The following FSTL5 variants were observed in gnomAD, a reference collection of about 807,000 sequenced individuals.
FSTL5 encodes the protein follistatin like 5.
In FSTL5, 62 loss-of-function variants were observed where a neutral mutation model predicts 89.1. The observed-to-expected ratio is 0.70, with a 90% CI of 0.57 to 0.86. The LOEUF (loss-of-function observed/expected upper bound fraction) is 0.86. Ranked by LOEUF, FSTL5 falls within the 40% of genes least tolerant of loss-of-function variation. The pLI is 0.00. For synonymous variants in FSTL5, 383 were observed against 346.2 expected (o/e 1.11, Z -1.18); for missense variants, 1,057 against 1,001.6 (o/e 1.06, Z -0.75).
In FSTL5 at chr4:161,925,874, A is replaced by T. The variant is rs144248697; in HGVS notation, c.161-5222T>A. Among the ~76,000 whole-genome samples the T allele has an allele frequency of 3.2e-3, 490 of 151,994 alleles. 6 individuals are homozygous for T. The highest frequency in any genetic ancestry group is 3.0e-3 in the Non-Finnish European group (205 of 67,892). On this transcript the variant is annotated intron_variant, in intron 3 of 15. Transcript: ENST00000306100. Reference sequence around the variant, plus strand: ...AAATATACTCTTAAAATTTTCATGGACTTTCACTGTATAAGAATTTACTTC... The same window carrying T: ...AAATATACTCTTAAAATTTTCATGGTCTTTCACTGTATAAGAATTTACTTC...
At chr4:161,641,626 G>A (rs1181266676) in intron 7 of FSTL5, among the ~76,000 whole-genome samples, 1 of 151,704 alleles carries the variant, frequency 6.6e-6, no homozygotes, top group Non-Finnish European at 1.5e-5. Context: ...CAAGTAGCTG[G>A]GAATACAGGC....
At chr4:161,681,281 A>C (rs1737509049) in intron 6 of FSTL5, among the ~76,000 whole-genome samples, 1 of 152,210 alleles carries the variant, frequency 6.6e-6, no homozygotes, top group African/African-American at 2.4e-5. Flanking sequence ...ATAAAAGGGA[A>C]ATCAAAAGAA....
At chr4:161,783,241 CTT>C (rs1377908483) in intron 4 of FSTL5, among the ~76,000 whole-genome samples, 4 of 152,106 alleles carry the variant, frequency 2.6e-5, no homozygotes, top group Admixed American at 2.6e-4. Flanking sequence ...ATTTAATAGT[CTT>C]TTAAATCATT....
rs550152470 is a variant in FSTL5 at position 161,667,227 on chromosome 4, A to G, written c.728-10733T>C. 2.0e-5 allele frequency among the ~76,000 whole-genome samples: 3 copies of G among 152,226 alleles called. No individual in the cohort carries two copies. The South Asian group carries it at 6.2e-4, about 32-fold the overall frequency. On this transcript the variant is annotated intron_variant, in intron 6 of 15. Transcript: ENST00000306100. ...TCTATCTTTCAAATGAATTATATAA[A>G]GTTGAATTTTAAACTAAAATAATAA...
At chr4:161,570,897 C>T (rs779380969) in intron 8 of FSTL5, among the ~76,000 whole-genome samples, 25 of 152,136 alleles carry the variant, frequency 1.6e-4, no homozygotes, top group Admixed American at 5.9e-4. Context: ...AGACGGATCA[C>T]GAGGTCAAGA....
chr4:161,430,762 A>C (rs992700803), intron 15 of FSTL5, among the ~76,000 whole-genome samples: 1 of 152,110 alleles, frequency 6.6e-6, no homozygotes, highest in African/African-American at 2.4e-5. Flanking sequence ...AAAACAAAAA[A>C]ATCCAACTCC....
chr4:161,585,283 T>G (rs895075769), intron 8 of FSTL5, among the ~76,000 whole-genome samples: 1 of 152,162 alleles, frequency 6.6e-6, no homozygotes, highest in Non-Finnish European at 1.5e-5. Flanking sequence ...GAGCAGCAGC[T>G]CCTGAAGAGC....
chr4:161,618,801 G>T (rs1316461113), intron 7 of FSTL5, among the ~76,000 whole-genome samples: 1 of 152,062 alleles, frequency 6.6e-6, no homozygotes, highest in Non-Finnish European at 1.5e-5. Context: ...TCCCCATCAA[G>T]CTACCAATGA....
At chr4:161,709,457 C>T (rs1275346150) in intron 6 of FSTL5, among the ~76,000 whole-genome samples, 2 of 152,056 alleles carry the variant, frequency 1.3e-5, no homozygotes, top group African/African-American at 4.8e-5. Flanking sequence ...CTGAGAGATA[C>T]AATAAATTCC....
At chr4:161,761,174 G>A (rs2126790841) in intron 5 of FSTL5, among the ~76,000 whole-genome samples, 1 of 152,234 alleles carries the variant, frequency 6.6e-6, no homozygotes, top group African/African-American at 2.4e-5. Context: ...ATTGTAGATG[G>A]CAAGCCCTAA....
chr4:162,037,463 T>A lies in FSTL5; in HGVS notation c.127-3805A>T, dbSNP rs183077841. Among the ~76,000 whole-genome samples, 204 of 152,024 alleles carry A rather than the reference T, an allele frequency of 1.3e-3. 3 individuals are homozygous for A. The highest frequency in any genetic ancestry group is 0.012 in the Admixed American group (177 of 15,230). ...GAGAGTAGGTGAGAAGAATCACACA[T>A]ACAGCTTGGTATGATTGAGCCAATC... On this transcript the variant is annotated intron_variant, in intron 2 of 15. Coordinates refer to ENST00000306100, the MANE Select transcript of FSTL5 (RefSeq NM_020116.5).
At chr4:161,864,349 A>G (rs1174595851) in intron 4 of FSTL5, among the ~76,000 whole-genome samples, 2 of 152,198 alleles carry the variant, frequency 1.3e-5, no homozygotes, top group Non-Finnish European at 2.9e-5. Context: ...GGTTAGAGAC[A>G]ATATCTAAGT....
intron 4 of FSTL5, among the ~76,000 whole-genome samples, chr4:161,855,379 T>C (rs1731690043): frequency 6.6e-6 from 1 of 152,054 alleles, no homozygotes; most frequent in Non-Finnish European, 1.5e-5. Context: ...AACAAACTTC[T>C]CCTTTGAGCA....
chr4:162,073,912 T>C (rs1341735688), intron 2 of FSTL5, among the ~76,000 whole-genome samples: 1 of 151,792 alleles, frequency 6.6e-6, no homozygotes, highest in African/African-American at 2.4e-5. Flanking sequence ...TTAAATATGG[T>C]GCATTTTATA....
intron 8 of FSTL5, among the ~76,000 whole-genome samples, chr4:161,572,156 T>C (rs1330864010): frequency 1.3e-5 from 2 of 151,092 alleles, no homozygotes; most frequent in Non-Finnish European, 3.0e-5. Context: ...TCACCTCTAC[T>C]AAAAATACAA....
intron 4 of FSTL5, among the ~76,000 whole-genome samples, chr4:161,808,821 G>C (rs1730052199): frequency 6.6e-6 from 1 of 152,140 alleles, no homozygotes; most frequent in Non-Finnish European, 1.5e-5. Flanking sequence ...TAAATCACTT[G>C]ATTTAAAAAG....
At chr4:161,650,470 T>A (rs2126677310) in intron 7 of FSTL5, among the ~76,000 whole-genome samples, 1 of 152,286 alleles carries the variant, frequency 6.6e-6, no homozygotes, top group African/African-American at 2.4e-5. Context: ...GAGTTCTGTG[T>A]TTTGTCTAGC....
chr4:161,942,296 G>T (rs1247487756), intron 3 of FSTL5, among the ~76,000 whole-genome samples: 4 of 96,880 alleles, frequency 4.1e-5, no homozygotes, highest in African/African-American at 1.5e-4. Flanking sequence ...ATAAATCAGA[G>T]AATAGAAAAA....
chr4:161,633,039 G>C (rs1735553494), intron 7 of FSTL5, among the ~76,000 whole-genome samples: 2 of 151,912 alleles, frequency 1.3e-5, no homozygotes, highest in Non-Finnish European at 2.9e-5. Context: ...TTGTTATTTA[G>C]AATGATTGTT....
Sources: allele counts gnomAD v4.1 joint callset (sites outside exome capture counted in the v4.1 genomes callset), GRCh38; gene constraint gnomAD v4.1.1; transcripts MANE v1.5; gene names NCBI Gene and HGNC (gene_info 2026-07-23, HGNC 2026-07-21).